Variants in ANKRD55 observed in about 807,000 individuals in gnomAD.
ANKRD55 encodes the protein ankyrin repeat domain 55.
Under a neutral mutation model 60.6 loss-of-function variants are expected in ANKRD55, and 41 were observed. The ratio of observed to expected loss-of-function variants is 0.68; its 90% confidence interval spans 0.53 to 0.88. The LOEUF (loss-of-function observed/expected upper bound fraction) is 0.88, where lower values mean the gene tolerates loss of function less well. Among genes scored for constraint, ANKRD55 ranks in the 40% least tolerant of loss-of-function variants. The pLI, the probability that ANKRD55 is intolerant of heterozygous loss-of-function variation, is 0.00. For missense variants in ANKRD55, 732 were observed against 767.6 expected (o/e 0.95, Z 0.55); for synonymous variants, 264 against 290.3 (o/e 0.91, Z 0.92).
intron 4 of ANKRD55, among the ~76,000 whole-genome samples, chr5:56,173,561 TC>T (rs1758659006): frequency 1.8e-5 from 2 of 110,978 alleles, no homozygotes; most frequent in African/African-American, 8.0e-5. Context: ...TCTCTCTCTC[TC>T]TCTCTCTCTC....
intron 5 of ANKRD55, among the ~76,000 whole-genome samples, chr5:56,161,204 A>G (rs1758322454): frequency 6.6e-6 from 1 of 151,886 alleles, no homozygotes; most frequent in Admixed American, 6.6e-5. Context: ...CTAACTCAGT[A>G]GGTCTGGAGA....
chr5:56,215,420 G>A (rs897031051), intron 2 of ANKRD55, among the ~76,000 whole-genome samples: 3 of 151,628 alleles, frequency 2.0e-5, no homozygotes, highest in Non-Finnish European at 2.9e-5. Flanking sequence ...CTGAGCTGAG[G>A]CCTCTTAGCA....
At chr5:56,149,055 TGTACTTTAAAA>T (rs1554039699) in intron 6 of ANKRD55, among the ~76,000 whole-genome samples, 3 of 152,218 alleles carry the variant, frequency 2.0e-5, no homozygotes, top group Non-Finnish European at 2.9e-5. Flanking sequence ...GGAATTAATA[TGTACTTTAAAA>T]GTAGATCTAG....
chr5:56,203,820 G>T (rs1344221686), intron 2 of ANKRD55, among the ~76,000 whole-genome samples: 1 of 152,152 alleles, frequency 6.6e-6, no homozygotes, highest in Non-Finnish European at 1.5e-5. Flanking sequence ...CTTTATAGCA[G>T]CATGATTTAT....
intron 9 of ANKRD55, among the ~76,000 whole-genome samples, chr5:56,112,512 A>AAAAAAAAACAAAAAAAAAAAAAC (rs1756759962): frequency 2.7e-5 from 3 of 111,516 alleles, no homozygotes; most frequent in African/African-American, 1.3e-4. Flanking sequence ...AGCAAAAAAA[A>AAAAAAAAACAAAAAAAAAAAAAC]AAAAAAAAAA....
At chr5:56,143,689 AG>A (rs1229925255) in intron 7 of ANKRD55, 111 bp downstream of exon 7, 51 of 1,440,860 alleles carry the variant, frequency 3.5e-5, no homozygotes, top group Non-Finnish European at 4.9e-5. Flanking sequence ...CAAGTGGTGG[AG>A]CTGAATCAAG....
At chr5:56,105,949 C>T (rs1019768183) in intron 10 of ANKRD55, among the ~76,000 whole-genome samples, 3 of 152,200 alleles carry the variant, frequency 2.0e-5, no homozygotes, top group Admixed American at 6.5e-5. Context: ...GCTTTCTGTT[C>T]CATTTTCTCT....
intron 2 of ANKRD55, among the ~76,000 whole-genome samples, chr5:56,205,974 G>GTTTT (rs367698877): frequency 2.7e-4 from 37 of 134,974 alleles, no homozygotes; most frequent in African/African-American, 8.3e-4. Flanking sequence ...TTTCTTTCTT[G>GTTTT]TTTTTTTTTT....
chr5:56,157,354 A>G (rs1758219408), intron 6 of ANKRD55, among the ~76,000 whole-genome samples: 1 of 152,186 alleles, frequency 6.6e-6, no homozygotes, highest in Non-Finnish European at 1.5e-5. Context: ...TCCCCATGTG[A>G]TAGTCTGAAA....
chr5:56,219,753 T>C (rs976581547), intron 2 of ANKRD55, among the ~76,000 whole-genome samples: 1 of 152,224 alleles, frequency 6.6e-6, no homozygotes, highest in Non-Finnish European at 1.5e-5. Flanking sequence ...CCTCAGTGCA[T>C]CCATACCCTC....
chr5:56,231,851 T>C (rs1474498603), intron 2 of ANKRD55, among the ~76,000 whole-genome samples: 5 of 152,018 alleles, frequency 3.3e-5, no homozygotes, highest in African/African-American at 7.2e-5. Flanking sequence ...AGATGTAGCT[T>C]GAGGGGTAAT....
At chr5:56,232,782 C>T in intron 2 of ANKRD55, 74 bp downstream of exon 2, 1 of 1,457,496 alleles carries the variant, frequency 6.9e-7, no homozygotes, top group Admixed American at 1.7e-5. Context: ...CTCTTTCTCT[C>T]CTTACAACTG....
At chr5:56,111,853 G>A (rs577953634) in intron 9 of ANKRD55, 71 bp from the exon 10 acceptor site, 109 of 1,349,314 alleles carry the variant, frequency 8.1e-5, no homozygotes, top group East Asian at 4.8e-4. Flanking sequence ...CCGAAATACC[G>A]ACCCCCTATT....
rs745463920 is a variant in ANKRD55 at position 56,111,740 on chromosome 5, G to C, written c.1008C>G (p.Pro336=). Residue 336 remains proline, a synonymous_variant, in exon 10 of 12, where the codon CCC becomes CCG. Transcript: ENST00000341048. ...CGTTGAACCGTCTCTCCTTCTTCTG[G>C]GGCCGACTGCTCTGGGAGGGAGGGG... ...TRPPPSQSSR[P]QKKERRFNVL... is the part of the protein sequence containing the mutation. 1 of 1,515,670 alleles carries C rather than the reference G, an allele frequency of 6.6e-7. No individual in the cohort carries two copies. 93.9% of individuals were successfully genotyped at this position (1,515,670 alleles called of 1,614,324 possible).
At chr5:56,121,071 G>A (rs948297817) in intron 8 of ANKRD55, among the ~76,000 whole-genome samples, 7 of 152,052 alleles carry the variant, frequency 4.6e-5, no homozygotes, top group Admixed American at 1.3e-4. Flanking sequence ...GATGGCGCCC[G>A]TGCCCAAGCA....
intron 7 of ANKRD55, among the ~76,000 whole-genome samples, chr5:56,132,690 T>C (rs887987062): frequency 6.6e-6 from 1 of 151,258 alleles, no homozygotes; most frequent in Non-Finnish European, 1.5e-5. Flanking sequence ...TGAACATCAA[T>C]GGTCTAAATG....
At chr5:56,101,042 T>C (rs1281046317) in intron 11 of ANKRD55, among the ~76,000 whole-genome samples, 1 of 152,236 alleles carries the variant, frequency 6.6e-6, no homozygotes, top group East Asian at 1.9e-4. Flanking sequence ...CTACTAACTC[T>C]CTGTGTGACC....
At chr5:56,181,862 TGG>T (rs1758855334) in intron 3 of ANKRD55, among the ~76,000 whole-genome samples, 1 of 152,238 alleles carries the variant, frequency 6.6e-6, no homozygotes, top group Non-Finnish European at 1.5e-5. Context: ...CCCGAAGTGT[TGG>T]GATTATAGGC....
At chr5:56,166,923 AC>A (rs1236491391) in intron 5 of ANKRD55, among the ~76,000 whole-genome samples, 2 of 152,328 alleles carry the variant, frequency 1.3e-5, no homozygotes, top group African/African-American at 4.8e-5. Flanking sequence ...AGGCTTCTCA[AC>A]GGAGACCAAG....
Sources: gnomAD v4.1 joint callset for allele counts (sites outside exome capture counted in the v4.1 genomes callset) on GRCh38, gnomAD v4.1.1 for gene constraint, MANE v1.5 for transcripts, NCBI Gene and HGNC (gene_info 2026-07-23, HGNC 2026-07-21) for gene names.